CACNA1H: variants seen among roughly 807,000 people sequenced by gnomAD.
The protein encoded by CACNA1H is calcium voltage-gated channel subunit alpha1 H.
In CACNA1H, 149 loss-of-function variants were observed where a neutral mutation model predicts 192.5. The ratio of observed to expected loss-of-function variants is 0.77; its 90% CI spans 0.68 to 0.89. The LOEUF (loss-of-function observed/expected upper bound fraction) is 0.89. CACNA1H is among the 40% of genes least tolerant of loss of function. The pLI is 0.00. For synonymous variants in CACNA1H, 2,202 were observed against 1,475.2 expected, an observed-to-expected ratio of 1.49 and a Z score of -11.29; for missense variants, 4,257 against 3,423.5, an observed-to-expected ratio of 1.24 and a Z score of -6.08.
At position 1,220,748 on chromosome 16, in the gene CACNA1H, C is replaced by T; in HGVS notation, c.6816C>T (p.Asp2272=). ...CCAGCTTTGCCTTTGAGCCGCTGGA[C>T]CTCGGGGTCCCCAGTGGAGACCCTT... ...TVPSFAFEPL[D]LGVPSGDPFL... Residue 2272 remains aspartate (D), a synonymous_variant, in exon 35 of 35, where the codon GAC becomes GAT. Transcript: ENST00000348261. 5.0e-6 allele frequency: 8 copies of T among 1,612,502 alleles called. No homozygotes were observed. Among genetic ancestry groups the T allele is most frequent in the Non-Finnish European group, 5.9e-6 (7 of 1,179,740 alleles).
chr16:1,220,058 G>A lies in CACNA1H; in HGVS notation c.6126G>A (p.Glu2042=). 2.1e-6 allele frequency: 3 copies of A among 1,430,432 alleles called. No individual in the cohort carries two copies. Among genetic ancestry groups the A allele is most frequent in the Non-Finnish European group, 2.7e-6 (3 of 1,093,576 alleles). 88.6% of individuals were successfully genotyped at this position (1,430,432 alleles called of 1,614,324 possible). A position where few individuals can be genotyped will look rare whatever the true frequency, so the allele number is the denominator to read the frequency against. The change falls in exon 35 of 35, where the codon GAG becomes GAA. Residue 2042 remains glutamate (E), a synonymous_variant. Coordinates refer to ENST00000348261, the MANE Select transcript of CACNA1H (RefSeq NM_021098.3). ...CCCTGGATCCTGCAGAGCCTGGTGA[G>A]AAAACCCCGGTGAGGCCGGTGACCC... The part of the protein sequence containing the change: ...RDTLDPAEPG[E]KTPVRPVTQG...
intron 5 of CACNA1H, among the ~76,000 whole-genome samples, chr16:1,196,985 T>G (rs1297651285): frequency 6.6e-6 from 1 of 152,138 alleles, no homozygotes; most frequent in East Asian, 1.9e-4. Flanking sequence ...CTGCCTGACC[T>G]GGGTCCTGGT....
chr16:1,201,593 A>C lies in CACNA1H; in HGVS notation c.1213-70A>C, dbSNP rs534938188. On this transcript the variant is annotated intron_variant, in intron 8 of 34. Coordinates refer to ENST00000348261, the MANE Select transcript of CACNA1H (RefSeq NM_021098.3). Reference sequence around the variant, plus strand: ...CGGCCCCCACTCGAACAGGCAGCGCACAGTAGGGCTCAGTGGCGAATCAGA... The same window carrying C: ...CGGCCCCCACTCGAACAGGCAGCGCCCAGTAGGGCTCAGTGGCGAATCAGA... 64 of 1,483,794 alleles carry C rather than the reference A, an allele frequency of 4.3e-5. No homozygotes were observed. In the Middle Eastern group the frequency reaches 7.3e-4, roughly 17 times the overall value. 91.9% of individuals were successfully genotyped at this position (1,483,794 alleles called of 1,614,324 possible).
chr16:1,192,190 C>T (rs527541098), intron 2 of CACNA1H, among the ~76,000 whole-genome samples: 142 of 152,348 alleles, frequency 9.3e-4, no homozygotes, highest in African/African-American at 3.2e-3. Flanking sequence ...GGCACCCAGG[C>T]CCCCTCCTGG....
rs1276303329 is a variant in CACNA1H, at chr16:1,215,649, G to A, written c.5244+56G>A. On this transcript the variant is annotated intron_variant, in intron 30 of 34. Coordinates refer to ENST00000348261, the MANE Select transcript of CACNA1H (RefSeq NM_021098.3). ...GGCCCCCGGAAGACGGGGTTGCAGG[G>A]AGCGCCTCGCCGTCCCCCTCTCCCC... 36 of 1,468,672 alleles carry A rather than the reference G, an allele frequency of 2.5e-5. No individual in the cohort carries two copies. In the Middle Eastern group the frequency reaches 5.2e-4, roughly 21 times the overall value. 91.0% of individuals were successfully genotyped at this position (1,468,672 alleles called of 1,614,324 possible).
intron 10 of CACNA1H, among the ~76,000 whole-genome samples, chr16:1,204,763 G>A (rs1431864346): frequency 4.4e-5 from 6 of 136,510 alleles, no homozygotes; most frequent in African/African-American, 1.6e-4. Context: ...TCAGTGCCGG[G>A]GAGGGGTGGG....
intron 28 of CACNA1H, 25 bp downstream of exon 28, chr16:1,215,106 G>C: frequency 6.3e-7 from 1 of 1,599,214 alleles, no homozygotes; most frequent in Non-Finnish European, 8.5e-7. Flanking sequence ...GCCGTCTTGG[G>C]TTCTGGGGGC....
intron 6 of CACNA1H, 42 bp from the exon 7 acceptor site, chr16:1,200,214 A>G: frequency 6.6e-7 from 1 of 1,518,980 alleles, no homozygotes; most frequent in Non-Finnish European, 8.9e-7. Flanking sequence ...ACCGTCCCTG[A>G]CCCTGATTGT....
chr16:1,186,106 G>A (rs56281341), intron 2 of CACNA1H, among the ~76,000 whole-genome samples: 11 of 90,710 alleles, frequency 1.2e-4, no homozygotes, highest in Non-Finnish European at 2.0e-4. Context: ...AGTAGACGGC[G>A]TGCGTAGGGG....
chr16:1,202,290 C>T lies in CACNA1H; in HGVS notation c.1840C>T (p.Pro614Ser), dbSNP rs1485310282. 3 of 1,584,560 alleles carry T rather than the reference C, an allele frequency of 1.9e-6. No homozygotes were observed. The highest frequency in any genetic ancestry group is 2.6e-6 in the Non-Finnish European group (3 of 1,167,646). ...LATGLGTMNY[P>S]TILPSGVGSG... The stretch of plus-strand genomic sequence containing the variant: ...CACAGGGCTGGGCACCATGAACTAC[C>T]CCACGATCCTGCCCTCAGGGGTGGG... Residue 614 changes from proline (P) to serine (S), a missense_variant, in exon 9 of 35, where the codon CCC becomes TCC. Pro to Ser is a moderately conservative substitution (Grantham distance 74). Transcript: ENST00000348261.
Position 1,205,104 on chromosome 16 carries a change from C to G in CACNA1H, c.2452-10C>G. The G allele has an allele frequency of 1.2e-6, 2 of 1,608,950 alleles. No individual in the cohort carries two copies. Among genetic ancestry groups the G allele is most frequent in the Non-Finnish European group, 1.7e-6 (2 of 1,178,988 alleles). On this transcript the variant is annotated splice_polypyrimidine_tract_variant and intron_variant, in intron 10 of 34. Transcript: ENST00000348261. ...GCGGCCTCCTGAACTGTCCCCACCT[C>G]TGCCTGCAGCCCGAGGAGCTGACTA...
rs369630836 is a variant in CACNA1H at position 1,198,689 on chromosome 16, G to C, written c.718G>C (p.Val240Leu). 1 of 1,613,502 alleles carries C rather than the reference G, an allele frequency of 6.2e-7. No homozygotes were observed. The highest frequency in any genetic ancestry group is 8.5e-7 in the Non-Finnish European group (1 of 1,179,650). The change falls in exon 6 of 35, where the codon GTC becomes CTC. Residue 240 changes from valine to leucine, a missense_variant. By Grantham distance (32) the Val-to-Leu change is conservative (BLOSUM62 1). Transcript: ENST00000348261. ...GAACGTCCTTCTGCTGTGCTTCTTC[G>C]TCTTCTTCATTTTCGGCATCGTTGG... ...LGNVLLLCFF[V>L]FFIFGIVGVQ...
Position 1,219,272 on chromosome 16 carries a change from G to A in CACNA1H, c.6048+142G>A, listed in dbSNP as rs1346616311. On this transcript the variant is annotated intron_variant, in intron 34 of 34. Transcript: ENST00000348261. ...GGTCCTTGGGGCTCCGAAGGTTTCT[G>A]CCTGCTGCTTGGTGGATCTTGGAGC... The A allele has an allele frequency of 8.7e-6, 7 of 803,330 alleles. No individual in the cohort carries two copies. In the East Asian group the frequency reaches 2.0e-4, roughly 23 times the overall value. 49.8% of individuals were successfully genotyped at this position (803,330 alleles called of 1,614,324 possible).
At chr16:1,208,261 G>T in intron 16 of CACNA1H, 40 bp downstream of exon 16, 1 of 1,438,640 alleles carries the variant, frequency 7.0e-7, no homozygotes, top group South Asian at 1.2e-5. Flanking sequence ...GGCCCCTTCA[G>T]GTTTTCCCTG....
rs1354651964 is a variant in CACNA1H, at chr16:1,211,751, T to C, written c.4512T>C (p.Asp1504=). Residue 1504 remains aspartate, a synonymous_variant, in exon 24 of 35, where the codon GAT becomes GAC. Coordinates refer to ENST00000348261, the MANE Select transcript of CACNA1H (RefSeq NM_021098.3). ...CGCTGTTCGTGCTGTCATCCAAGGA[T>C]GGATGGGTGAACATCATGTACGACG... ...LMSLFVLSSK[D]GWVNIMYDGL... 3.1e-6 allele frequency: 5 copies of C among 1,612,590 alleles called. No homozygotes were observed. The highest frequency in any genetic ancestry group is 3.3e-5 in the Admixed American group (2 of 60,000).
At chr16:1,181,291 C>T (rs1465047416) in intron 2 of CACNA1H, among the ~76,000 whole-genome samples, 1 of 152,260 alleles carries the variant, frequency 6.6e-6, no homozygotes, top group Non-Finnish European at 1.5e-5. Context: ...CATGGCCGGC[C>T]CCTCCACCTC....
chr16:1,219,223 C>A, intron 34 of CACNA1H, 93 bp downstream of exon 34: 1 of 1,286,468 alleles, frequency 7.8e-7, no homozygotes, highest in Non-Finnish European at 1.0e-6. Context: ...CAGACGAGGA[C>A]AAGGCAGGAG....
intron 2 of CACNA1H, among the ~76,000 whole-genome samples, chr16:1,170,296 C>A (rs1453108644): frequency 6.6e-6 from 1 of 152,216 alleles, no homozygotes; most frequent in African/African-American, 2.4e-5. Flanking sequence ...GGGCCTTTCC[C>A]TGGGTTGGGG....
Position 1,220,829 on chromosome 16 carries a change from C to T in CACNA1H, c.6897C>T (p.Ala2299=). ...TPESRASSSG[A]IVPLEPPESE... ...AATCCAGAGCTTCCTCTTCAGGGGC[C>T]ATAGTGCCCCTGGAACCCCCAGAAT... Residue 2299 remains alanine, a synonymous_variant, in exon 35 of 35, where the codon GCC becomes GCT. Transcript: ENST00000348261. 2 of 1,612,744 alleles carry T rather than the reference C, an allele frequency of 1.2e-6. No individual in the cohort carries two copies. Among genetic ancestry groups the T allele is most frequent in the African/African-American group, 1.3e-5 (1 of 75,028 alleles).
Sources: gnomAD v4.1 joint callset for allele counts (sites outside exome capture counted in the v4.1 genomes callset) on GRCh38, gnomAD v4.1.1 for gene constraint, MANE v1.5 for transcripts, NCBI Gene and HGNC (gene_info 2026-07-23, HGNC 2026-07-21) for gene names.